Variants in OR7C1 observed in about 807,000 individuals in gnomAD.
OR7C1 encodes the protein olfactory receptor 7C1.
For synonymous variants in OR7C1, 152 were observed against 160.7 expected, an observed-to-expected ratio of 0.95 and a Z score of 0.41; for missense variants, 324 against 383.3, an observed-to-expected ratio of 0.85 and a Z score of 1.29.
chr19:14,821,359 A>G (rs1363157699), intron 1 of OR7C1: 1 of 152,196 alleles, frequency 6.6e-6, no homozygotes, highest in Non-Finnish European at 1.5e-5. Flanking sequence ...GGATCAATGA[A>G]ATTCTGCTCA....
chr19:14,809,508 T>G (rs767652939), intron 2 of OR7C1, among the ~76,000 whole-genome samples: 4 of 142,572 alleles, frequency 2.8e-5, no homozygotes, highest in African/African-American at 1.1e-4. Flanking sequence ...AGAAGAAACA[T>G]AGATTGAAAG....
At chr19:14,811,753 A>G (rs1175065749) in intron 1 of OR7C1, among the ~76,000 whole-genome samples, 1 of 151,982 alleles carries the variant, frequency 6.6e-6, no homozygotes, top group Admixed American at 6.6e-5. Flanking sequence ...AATTTAAAGA[A>G]AAGTTAAATA....
At chr19:14,822,355 T>C (rs1471946207) in intron 1 of OR7C1, among the ~76,000 whole-genome samples, 1 of 144,260 alleles carries the variant, frequency 6.9e-6, no homozygotes, top group Non-Finnish European at 1.5e-5. Flanking sequence ...CAGATCCTCA[T>C]CAGCACTTAT....
At chr19:14,805,313 C>T (rs763218184) in intron 2 of OR7C1, among the ~76,000 whole-genome samples, 10 of 151,664 alleles carry the variant, frequency 6.6e-5, no homozygotes, top group Non-Finnish European at 1.3e-4. Flanking sequence ...TCATTGAGAC[C>T]CTGGTGCCTT....
chr19:14,819,696 C>T (rs2044732254), intron 1 of OR7C1, among the ~76,000 whole-genome samples: 1 of 152,130 alleles, frequency 6.6e-6, no homozygotes, highest in African/African-American at 2.4e-5. Flanking sequence ...GTGTATTCTT[C>T]ATGTAAGCAT....
At chr19:14,826,373 A>C (rs1217679210) in intron 1 of OR7C1, 1 of 152,210 alleles carries the variant, frequency 6.6e-6, no homozygotes, top group African/African-American at 2.4e-5. Context: ...TTTTATAATG[A>C]AGGAGGTATT....
At chr19:14,804,700 G>A (rs2044658161) in intron 2 of OR7C1, among the ~76,000 whole-genome samples, 1 of 151,852 alleles carries the variant, frequency 6.6e-6, no homozygotes, top group Non-Finnish European at 1.5e-5. Flanking sequence ...GGGAGCGGGG[G>A]TAGGGGATGA....
chr19:14,820,397 G>A, intron 1 of OR7C1, among the ~76,000 whole-genome samples: 1 of 151,410 alleles, frequency 6.6e-6, no homozygotes. Context: ...GGGGCCTGTT[G>A]GGGGGTCGGG....
chr19:14,801,689 G>A (rs932838593), intron 2 of OR7C1, among the ~76,000 whole-genome samples: 2 of 152,136 alleles, frequency 1.3e-5, no homozygotes, highest in African/African-American at 4.8e-5. Context: ...TGAAGAAAGT[G>A]GTTTAGTTGA....
chr19:14,802,288 G>A (rs1029318021), intron 2 of OR7C1, among the ~76,000 whole-genome samples: 1 of 152,232 alleles, frequency 6.6e-6, no homozygotes, highest in Non-Finnish European at 1.5e-5. Flanking sequence ...GGGAGACTGA[G>A]GCGGGTGGAT....
chr19:14,801,745 A>G (rs113016505), intron 2 of OR7C1, among the ~76,000 whole-genome samples: 30,745 of 152,172 alleles, frequency 0.2, 3,315 homozygotes, highest in African/African-American at 0.24. Context: ...ACTTACAATT[A>G]TGGTGGAAGG....
At chr19:14,825,528 G>C (rs1165523162) in intron 1 of OR7C1, 1 of 152,198 alleles carries the variant, frequency 6.6e-6, no homozygotes, top group Non-Finnish European at 1.5e-5. Flanking sequence ...TGGTGGAATT[G>C]AGTGTCCCTC....
rs35454647 is a variant in OR7C1 at position 14,808,099 on chromosome 19, TAAA to T, written c.-435+1704_-435+1706del. On this transcript the variant is annotated intron_variant, in intron 2 of 4. Transcript: ENST00000641666. Reference sequence around the variant, plus strand: ...AGTCAGAATGGTTATTTTAAAGAAATAAAAAAAAAAAAAACAACAACAGATGTT... The same window carrying T: ...AGTCAGAATGGTTATTTTAAAGAAATAAAAAAAAAAACAACAACAGATGTT... Among the ~76,000 whole-genome samples the T allele has an allele frequency of 2.0e-3, 276 of 135,358 alleles. 7 individuals are homozygous for T. The highest frequency in any genetic ancestry group is 6.7e-3 in the African/African-American group (259 of 38,756). 88.8% of individuals were successfully genotyped at this position (135,358 alleles called of 152,430 possible).
At chr19:14,833,494 A>G (rs374521134) in intron 1 of OR7C1, among the ~76,000 whole-genome samples, 1 of 152,206 alleles carries the variant, frequency 6.6e-6, no homozygotes, top group South Asian at 2.1e-4. Context: ...AAAAGTAAAC[A>G]ATGCCTTTTC....
At chr19:14,823,103 T>G (rs1330071314) in intron 1 of OR7C1, among the ~76,000 whole-genome samples, 2 of 152,184 alleles carry the variant, frequency 1.3e-5, no homozygotes, top group African/African-American at 4.8e-5. Flanking sequence ...TTTCTGCCTA[T>G]ATTTTATTCT....
intron 1 of OR7C1, among the ~76,000 whole-genome samples, chr19:14,818,389 C>G (rs1391815468): frequency 6.6e-6 from 1 of 152,056 alleles, no homozygotes; most frequent in Non-Finnish European, 1.5e-5. Context: ...CCACCGCGCC[C>G]GGCTGATAAG....
At chr19:14,833,316 C>CA (rs1309999558) in intron 1 of OR7C1, among the ~76,000 whole-genome samples, 1 of 152,108 alleles carries the variant, frequency 6.6e-6, no homozygotes, top group African/African-American at 2.4e-5. Flanking sequence ...CCATCTCTAC[C>CA]AAAAATACAA....
intron 1 of OR7C1, chr19:14,821,347 G>A (rs1311945859): frequency 6.6e-6 from 1 of 152,236 alleles, no homozygotes; most frequent in Admixed American, 6.5e-5. Context: ...AATGAGGCAA[G>A]TGGATCAATG....
intron 1 of OR7C1, chr19:14,825,359 T>C (rs1204070687): frequency 1.3e-5 from 2 of 152,206 alleles, no homozygotes; most frequent in African/African-American, 2.4e-5. Context: ...TGAATAAGCC[T>C]AGACATCTAA....
Sources: gnomAD v4.1 joint callset for allele counts (sites outside exome capture counted in the v4.1 genomes callset) on GRCh38, gnomAD v4.1.1 for gene constraint, MANE v1.5 for transcripts, NCBI Gene and HGNC (gene_info 2026-07-23, HGNC 2026-07-21) for gene names.